Variants in SH3PXD2A observed in about 807,000 individuals in gnomAD.
The protein encoded by SH3PXD2A is SH3 and PX domain-containing protein 2A.
SH3PXD2A carries 32 observed loss-of-function variants against 115.2 expected under a neutral mutation model. The ratio of observed to expected loss-of-function variants is 0.28; its 90% CI spans 0.21 to 0.37. The LOEUF (loss-of-function observed/expected upper bound fraction) is 0.37. Among genes scored for constraint, SH3PXD2A ranks in the 10% least tolerant of loss-of-function variants. SH3PXD2A has a pLI of 1.00. For missense variants in SH3PXD2A, 1,328 were observed against 1,498.7 expected (o/e 0.89, Z 1.88); for synonymous variants, 610 against 629.1 (o/e 0.97, Z 0.45).
chr10:103,673,618 G>A (rs954478316), intron 6 of SH3PXD2A: 3 of 152,180 alleles, frequency 2.0e-5, no homozygotes, highest in African/African-American at 7.2e-5. Flanking sequence ...TTCATAGTAA[G>A]GCTTCTTTTA....
intron 5 of SH3PXD2A, among the ~76,000 whole-genome samples, chr10:103,719,713 T>C (rs1168231476): frequency 7.0e-6 from 1 of 143,468 alleles, no homozygotes; most frequent in African/African-American, 2.7e-5. Flanking sequence ...TTCTTTTTTT[T>C]TTTCTTTCTT....
chr10:103,781,977 C>T (rs1047507505), intron 2 of SH3PXD2A, among the ~76,000 whole-genome samples: 6 of 152,174 alleles, frequency 3.9e-5, no homozygotes, highest in South Asian at 2.1e-4. Flanking sequence ...ACGATGGGAA[C>T]CCACCGCCTC....
chr10:103,755,661 G>A (rs1438248330), intron 3 of SH3PXD2A, among the ~76,000 whole-genome samples: 3 of 152,164 alleles, frequency 2.0e-5, no homozygotes, highest in Non-Finnish European at 2.9e-5. Context: ...AAATAGCAGA[G>A]TTTTGGTTCA....
At chr10:103,658,052 T>C (rs2037236948) in intron 8 of SH3PXD2A, among the ~76,000 whole-genome samples, 1 of 152,250 alleles carries the variant, frequency 6.6e-6, no homozygotes, top group Admixed American at 6.5e-5. Context: ...TCCCTTCTAC[T>C]GCATGGTGTT....
Position 103,627,258 on chromosome 10 carries a change from G to A in SH3PXD2A, c.605-56C>T, listed in dbSNP as rs1212636246. 9.6e-7 allele frequency: 1 copy of A among 1,040,944 alleles called. No individual in the cohort carries two copies. Among genetic ancestry groups the A allele is most frequent in the Non-Finnish European group, 1.5e-6 (1 of 666,468 alleles). The allele number at this position is 1,040,944 out of a possible 1,614,324, so 64.5% of individuals were successfully genotyped here. ...TGAGATTCTGCAGGGTGGCAGGGGT[G>A]GCTCGGGGGCCAGGACAAGGATGGA... On this transcript the variant is annotated intron_variant, in intron 8 of 14. Transcript: ENST00000369774. The surrounding 1 kb of genome is among the most constrained non-coding windows in gnomAD (Gnocchi z 4.4).
intron 5 of SH3PXD2A, among the ~76,000 whole-genome samples, chr10:103,696,050 T>C (rs964698661): frequency 6.6e-6 from 1 of 152,168 alleles, no homozygotes; most frequent in African/African-American, 2.4e-5. Flanking sequence ...TTACCACCCC[T>C]TCCTGGAGTA....
In SH3PXD2A at chr10:103,613,137, T is replaced by C; in HGVS notation, c.974A>G (p.Asp325Gly). The change falls in exon 12 of 15, where the codon GAT (aspartate) becomes GGT (glycine). Residue 325 changes from aspartate (D) to glycine (G), a missense_variant. Around this residue, in one of 5 missense-constraint regions of SH3PXD2A, gnomAD observed 509 missense variants for 628.3 expected, o/e 0.81. Coordinates refer to ENST00000369774, the MANE Select transcript of SH3PXD2A (RefSeq NM_001394015.1). Reference protein sequence around the residue: ...APASYLKKAKDDLPTRKKNLA... With the variant: ...APASYLKKAKGDLPTRKKNLA... ...GTTCTTCTTCCGGGTTGGCAGGTCATCCTTGGCCTTCTTCAGGTAGGATGC... is the reference window on the plus strand; with the variant it reads ...GTTCTTCTTCCGGGTTGGCAGGTCACCCTTGGCCTTCTTCAGGTAGGATGC... 1.9e-6 allele frequency: 3 copies of C among 1,612,722 alleles called. No individual in the cohort carries two copies. The highest frequency in any genetic ancestry group is 2.5e-6 in the Non-Finnish European group (3 of 1,179,560).
chr10:103,757,737 C>A (rs2038658216), intron 3 of SH3PXD2A, among the ~76,000 whole-genome samples: 1 of 152,198 alleles, frequency 6.6e-6, no homozygotes, highest in Non-Finnish European at 1.5e-5. Context: ...AGTGACACTG[C>A]CATGTGATCA....
chr10:103,614,446 T>TAAAACTAAAACCAAAGC (rs2036477640), intron 11 of SH3PXD2A, among the ~76,000 whole-genome samples: 1 of 151,918 alleles, frequency 6.6e-6, no homozygotes, highest in East Asian at 1.9e-4. Flanking sequence ...CATGACTAGA[T>TAAAACTAAAACCAAAGC]AAAACTAAAA....
chr10:103,682,301 C>A (rs536368614), intron 6 of SH3PXD2A, among the ~76,000 whole-genome samples: 1 of 152,248 alleles, frequency 6.6e-6, no homozygotes, highest in Admixed American at 6.5e-5. Flanking sequence ...CAGACACACA[C>A]GTGAGCAGCA....
intron 6 of SH3PXD2A, among the ~76,000 whole-genome samples, chr10:103,671,842 G>GTCCCTGCC (rs751606852): frequency 5.3e-5 from 8 of 152,218 alleles, no homozygotes; most frequent in Admixed American, 1.3e-4. Context: ...CCTTCCTCCT[G>GTCCCTGCC]TCCCTGCCTT....
chr10:103,791,778 A>AG (rs2039039196), intron 2 of SH3PXD2A, among the ~76,000 whole-genome samples: 1 of 152,036 alleles, frequency 6.6e-6, no homozygotes, highest in Admixed American at 6.6e-5. Context: ...CTGCACGAGA[A>AG]GTTGCAAACT....
rs910080856 is a variant in SH3PXD2A at position 103,599,640 on chromosome 10, G to A, written c.*2176C>T. 17 of 152,476 alleles carry A rather than the reference G, an allele frequency of 1.1e-4. No homozygotes were observed. The highest frequency in any genetic ancestry group is 4.1e-4 in the African/African-American group (17 of 41,366). 9.4% of individuals were successfully genotyped at this position (152,476 alleles called of 1,614,324 possible). ...TTAAGTAATGCACTTTGCTCTCTGGGTTTTTTCCATTCTACCTTATTTAAA... is the reference window on the plus strand; with the variant it reads ...TTAAGTAATGCACTTTGCTCTCTGGATTTTTTCCATTCTACCTTATTTAAA... On this transcript the variant is annotated 3_prime_UTR_variant, in exon 15 of 15. Transcript: ENST00000369774.
At chr10:103,755,113 C>G (rs918410228) in intron 3 of SH3PXD2A, 1 of 152,208 alleles carries the variant, frequency 6.6e-6, no homozygotes, top group Non-Finnish European at 1.5e-5. Context: ...ACATTTTGAA[C>G]AGCAATCCTT....
chr10:103,818,322 T>C (rs2039344743), intron 1 of SH3PXD2A, among the ~76,000 whole-genome samples: 1 of 152,188 alleles, frequency 6.6e-6, no homozygotes, highest in Non-Finnish European at 1.5e-5. Flanking sequence ...TGTCCATTAA[T>C]CTTGGGGAAA....
At chr10:103,853,982 A>G (rs1339906383) in intron 1 of SH3PXD2A, among the ~76,000 whole-genome samples, 1 of 152,194 alleles carries the variant, frequency 6.6e-6, no homozygotes, top group Non-Finnish European at 1.5e-5. Flanking sequence ...ACTGGACCCG[A>G]CAGGCACCCA....
intron 8 of SH3PXD2A, among the ~76,000 whole-genome samples, chr10:103,649,546 A>G (rs540905819): frequency 6.6e-6 from 1 of 152,328 alleles, no homozygotes; most frequent in South Asian, 2.1e-4. Context: ...ACCAGTGCAC[A>G]GAAAGGTCAT....
chr10:103,774,587 A>G (rs1332949357), intron 2 of SH3PXD2A, among the ~76,000 whole-genome samples: 1 of 152,058 alleles, frequency 6.6e-6, no homozygotes, highest in African/African-American at 2.4e-5. Flanking sequence ...GTAATGTTTC[A>G]TTTTATACTT....
intron 2 of SH3PXD2A, among the ~76,000 whole-genome samples, chr10:103,783,801 A>G (rs2038955144): frequency 6.6e-6 from 1 of 152,228 alleles, no homozygotes; most frequent in Admixed American, 6.5e-5. Context: ...CAGATGGAAA[A>G]AGAGAGGAAT....
Sources: gnomAD v4.1 joint callset for allele counts (sites outside exome capture counted in the v4.1 genomes callset) on GRCh38, gnomAD v4.1.1 for gene constraint, gnomAD v4.1.1 regional missense constraint, Gnocchi (gnomAD v3.1) non-coding constraint, MANE v1.5 for transcripts, NCBI Gene and HGNC (gene_info 2026-07-23, HGNC 2026-07-21) for gene names.